The following OGDHL variants were observed in gnomAD, a reference collection of about 807,000 sequenced individuals.
The protein encoded by OGDHL is 2-oxoglutarate dehydrogenase-like, mitochondrial.
A neutral mutation model predicts 109.6 loss-of-function variants in OGDHL; 79 were observed. That is an observed-to-expected ratio of 0.72 (90% CI 0.60 to 0.87). The LOEUF is 0.87. Ranked by LOEUF, OGDHL falls within the 40% of genes least tolerant of loss-of-function variation. The pLI is 0.00. For synonymous variants in OGDHL, 528 were observed against 537.2 expected (o/e 0.98, Z 0.24); for missense variants, 1,275 against 1,362.2 (o/e 0.94, Z 1.01).
chr10:49,744,449 C>A (rs1842029104), intron 13 of OGDHL, among the ~76,000 whole-genome samples: 1 of 152,146 alleles, frequency 6.6e-6, no homozygotes, highest in African/African-American at 2.4e-5. Flanking sequence ...TCAGTGAGCA[C>A]CTGGCCATCC....
chr10:49,745,257 C>T, intron 12 of OGDHL, 87 bp downstream of exon 12: 1 of 1,512,502 alleles, frequency 6.6e-7, no homozygotes, highest in Non-Finnish European at 9.0e-7. Context: ...CCTTAGTGCC[C>T]AGCACTGGGC....
rs779218246 is a variant in OGDHL at position 49,757,821 on chromosome 10, T to C, written c.204+568A>G. On this transcript the variant is annotated intron_variant, in intron 2 of 22. Coordinates refer to ENST00000374103, the MANE Select transcript of OGDHL (RefSeq NM_018245.3). ...ATCCAGAGTTACATTTGCAGTAAGT[T>C]TACCTAATGCAAGTCTTGGAAAGGA... Among the ~76,000 whole-genome samples, 32 of 152,332 alleles carry C rather than the reference T, an allele frequency of 2.1e-4. No homozygotes were observed. In the Middle Eastern group the frequency reaches 0.014, roughly 65 times the overall value.
rs532472309 is a variant in OGDHL, at chr10:49,736,863, C to T, written c.2591-343G>A. 3.3e-5 allele frequency among the ~76,000 whole-genome samples: 5 copies of T among 152,284 alleles called. No individual in the cohort carries two copies. In the East Asian group the frequency reaches 9.6e-4, roughly 29 times the overall value. ...CCCCAACCTTGCTTCTGCCCAGCTG[C>T]GCCCACCTCCTGCAGAGCACTGCAG... On this transcript the variant is annotated intron_variant, in intron 20 of 22. Coordinates refer to ENST00000374103, the MANE Select transcript of OGDHL (RefSeq NM_018245.3).
At chr10:49,760,082 G>A (rs1843175384) in intron 1 of OGDHL, among the ~76,000 whole-genome samples, 1 of 152,248 alleles carries the variant, frequency 6.6e-6, no homozygotes, top group South Asian at 2.1e-4. Context: ...TAACTCACAT[G>A]AGCCAGAGGA....
Position 49,736,097 on chromosome 10 carries a change from C to T in OGDHL, c.2835G>A (p.Glu945=). The part of the protein sequence containing the change: ...PGAELAWCQE[E]HKNMGYYDYI... ...AGTCATAGTAGCCCATGTTCTTGTG[C>T]TCCTCCTGACACCAGGCCAGCTCCG... The change falls in exon 22 of 23, where the codon GAG becomes GAA. Residue 945 remains glutamate, a synonymous_variant. Coordinates refer to ENST00000374103, the MANE Select transcript of OGDHL (RefSeq NM_018245.3). 2 of 1,612,490 alleles carry T rather than the reference C, an allele frequency of 1.2e-6. No homozygotes were observed. The highest frequency in any genetic ancestry group is 1.7e-6 in the Non-Finnish European group (2 of 1,179,134).
In OGDHL at chr10:49,752,242, T is replaced by C. The variant is rs181675764; in HGVS notation, c.485A>G (p.Tyr162Cys). The C allele has an allele frequency of 5.7e-5, 92 of 1,613,372 alleles. No homozygotes were observed. Among genetic ancestry groups the C allele is most frequent in the African/African-American group, 9.3e-5 (7 of 75,004 alleles). The change falls in exon 5 of 23, where the codon TAT becomes TGT. Residue 162 changes from tyrosine to cysteine, a missense_variant. Transcript: ENST00000374103. ...LITTIDKLAF[Y>C]DLQEADLDKE... ...ATCAAGGTCAGCCTCCTGAAGGTCATAGAAGGCTGGAGAAGGAGGCGTGGC... is the reference window on the plus strand; with the variant it reads ...ATCAAGGTCAGCCTCCTGAAGGTCACAGAAGGCTGGAGAAGGAGGCGTGGC...
At chr10:49,743,081 G>A (rs1841911438) in intron 14 of OGDHL, 103 bp from the exon 15 acceptor site, 16 of 1,408,336 alleles carry the variant, frequency 1.1e-5, no homozygotes, top group Non-Finnish European at 1.5e-5. Context: ...GCAGCCATCT[G>A]TTGATTTGGT....
At position 49,744,729 on chromosome 10, in the gene OGDHL, C is replaced by T. The variant is rs370856728; in HGVS notation, c.1653G>A (p.Arg551=). The stretch of plus-strand genomic sequence containing the variant: ...ACCTGCCATAAGCCTCCTCACAGAT[C>T]CGGTCGTATTTGGCAATTTCTTCCT... ...EFEEEIAKYD[R]ICEEAYGRSK... Residue 551 remains arginine, a synonymous_variant, in exon 13 of 23, where the codon CGG becomes CGA. Coordinates refer to ENST00000374103, the MANE Select transcript of OGDHL (RefSeq NM_018245.3). 8 of 1,614,084 alleles carry T rather than the reference C, an allele frequency of 5.0e-6. No individual in the cohort carries two copies. The Admixed American group carries it at 6.7e-5, about 13-fold the overall frequency.
chr10:49,751,858 T>C lies in OGDHL; in HGVS notation c.718A>G (p.Thr240Ala). Residue 240 changes from threonine (T) to alanine (A), a missense_variant, in exon 6 of 23, where the codon ACC becomes GCC. Coordinates refer to ENST00000374103, the MANE Select transcript of OGDHL (RefSeq NM_018245.3). ...VMQFSSEEKR[T>A]LLARLVRSMR... ...GAGCGCACTAGCCGGGCCAGCAGGG[T>C]CCGCTTCTCCTCGCTGGAGAACTGC... The C allele has an allele frequency of 6.2e-7, 1 of 1,613,980 alleles. No individual in the cohort carries two copies. The highest frequency in any genetic ancestry group is 8.5e-7 in the Non-Finnish European group (1 of 1,180,006).
In OGDHL at chr10:49,739,809, G is replaced by C. The variant is rs1258129605; in HGVS notation, c.2171C>G (p.Pro724Arg). 6.8e-6 allele frequency: 11 copies of C among 1,613,968 alleles called. No individual in the cohort carries two copies. The highest frequency in any genetic ancestry group is 1.6e-4 in the Middle Eastern group (1 of 6,076). Residue 724 changes from proline (P) to arginine (R), a missense_variant, in exon 17 of 23, where the codon CCC (proline) becomes CGC (arginine). By Grantham distance (103) the Pro-to-Arg change is moderately radical. Coordinates refer to ENST00000374103, the MANE Select transcript of OGDHL (RefSeq NM_018245.3). Reference protein sequence around the residue: ...GFELGYAMASPNALVLWEAQF... With the variant: ...GFELGYAMASRNALVLWEAQF... The stretch of plus-strand genomic sequence containing the variant: ...GGCCTCCCAGAGGACCAGGGCATTG[G>C]GGCTGGCCATGGCATAGCCCAGCTC...
At chr10:49,740,630 T>TGGCCCCG (rs1841576685) in intron 16 of OGDHL, 80 bp downstream of exon 16, 3 of 1,522,192 alleles carry the variant, frequency 2.0e-6, no homozygotes, top group Non-Finnish European at 2.7e-6. Context: ...TCCCAGGCCC[T>TGGCCCCG]GGCCCCGGTC....
In OGDHL at chr10:49,756,809, G is replaced by A. The variant is rs777937733; in HGVS notation, c.342C>T (p.His114=). ...CCCGGATCAGGGACTGCACAGCCAG[G>A]TGGTCCTCCACCAATTTGCTGGTCT... The part of the protein sequence containing the change: ...RTKTSKLVED[H]LAVQSLIRAY... Residue 114 remains histidine (H), a synonymous_variant, in exon 3 of 23, where the codon CAC becomes CAT. Transcript: ENST00000374103. The A allele has an allele frequency of 1.9e-6, 3 of 1,613,944 alleles. No individual in the cohort carries two copies. The highest frequency in any genetic ancestry group is 1.7e-6 in the Non-Finnish European group (2 of 1,179,916).
chr10:49,741,085 G>A (rs1254603335), intron 15 of OGDHL, among the ~76,000 whole-genome samples: 1 of 151,996 alleles, frequency 6.6e-6, no homozygotes. Flanking sequence ...CACACACCAC[G>A]CACTGGGGGG....
At chr10:49,744,881 G>A in intron 12 of OGDHL, 129 bp from the exon 13 acceptor site, 1 of 729,364 alleles carries the variant, frequency 1.4e-6, no homozygotes, top group Middle Eastern at 3.7e-4. Context: ...CTGGCCTATA[G>A]GGACCTCATG....
At chr10:49,738,331 C>T (rs1841376426) in intron 17 of OGDHL, 69 bp from the exon 18 acceptor site, 3 of 1,560,978 alleles carry the variant, frequency 1.9e-6, no homozygotes, top group Admixed American at 3.4e-5. Flanking sequence ...CTGCAGGGAC[C>T]CCAGGCTCAG....
chr10:49,748,495 T>C (rs1484744886), intron 8 of OGDHL, among the ~76,000 whole-genome samples: 2 of 152,222 alleles, frequency 1.3e-5, no homozygotes, highest in African/African-American at 4.8e-5. Context: ...TGTTCTGTTT[T>C]GTTGTTTTCA....
rs1363941705 is a variant in OGDHL at position 49,749,735 on chromosome 10, C to T, written c.978G>A (p.Ala326=). The change falls in exon 8 of 23, where the codon GCG becomes GCA. Residue 326 remains alanine, a synonymous_variant. Coordinates refer to ENST00000374103, the MANE Select transcript of OGDHL (RefSeq NM_018245.3). ...TGGGCATGGCACCCACCTCGTCCGC[C>T]GCCTCCAGCTTGGGGTCAAACTGGC... ...IFCQFDPKLE[A]ADEGSGDVKY... The T allele has an allele frequency of 5.0e-6, 8 of 1,591,530 alleles. No homozygotes were observed. The highest frequency in any genetic ancestry group is 1.3e-5 in the African/African-American group (1 of 74,628).
In OGDHL at chr10:49,739,753, A is replaced by T. The variant is rs201862050; in HGVS notation, c.2227T>A (p.Cys743Ser). 9.9e-6 allele frequency: 16 copies of T among 1,614,018 alleles called. No individual in the cohort carries two copies. Among genetic ancestry groups the T allele is most frequent in the Non-Finnish European group, 1.4e-5 (16 of 1,179,996 alleles). The change falls in exon 17 of 23, where the codon TGC becomes AGC. Residue 743 changes from cysteine to serine, a missense_variant. By Grantham distance (112) the Cys-to-Ser change is moderately radical (BLOSUM62 -1). Transcript: ENST00000374103. ...GTGCTGATGAACTGGTCGATGATGC[A>T]CTGGGCCGTGTTGTGGAAGTCCCCA... ...QFGDFHNTAQ[C>S]IIDQFISTGQ...
rs1163031703 is a variant in OGDHL, at chr10:49,756,919, T to C, written c.232A>G (p.Ser78Gly). 3 of 1,613,620 alleles carry C rather than the reference T, an allele frequency of 1.9e-6. No homozygotes were observed. The highest frequency in any genetic ancestry group is 1.3e-5 in the African/African-American group (1 of 74,934). The change falls in exon 3 of 23, where the codon AGC becomes GGC. Residue 78 changes from serine to glycine, a missense_variant. Ser to Gly is a moderately conservative substitution (Grantham distance 56). Coordinates refer to ENST00000374103, the MANE Select transcript of OGDHL (RefSeq NM_018245.3). ...GCAGAGCCAGAAAAGGCTTCCTCGC[T>C]GGCTTCCCTGAAGAAGCTGTCCCAG... ...KSWDSFFREA[S>G]EEAFSGSAQP... is the part of the protein sequence containing the mutation.
Sources: allele counts gnomAD v4.1 joint callset (sites outside exome capture counted in the v4.1 genomes callset), GRCh38; gene constraint gnomAD v4.1.1; transcripts MANE v1.5; gene names NCBI Gene and HGNC (gene_info 2026-07-23, HGNC 2026-07-21).